The following PLPPR5 variants were observed in gnomAD, a reference collection of about 807,000 sequenced individuals.
PLPPR5 encodes phospholipid phosphatase-related protein type 5.
In PLPPR5, 16 loss-of-function variants were observed where a neutral mutation model predicts 33.9. That is an observed-to-expected ratio of 0.47 (90% CI 0.32 to 0.72). The LOEUF (loss-of-function observed/expected upper bound fraction) is 0.72. Ranked by LOEUF, PLPPR5 falls within the 30% of genes least tolerant of loss-of-function variation. The pLI is 0.03. For missense variants in PLPPR5, 301 were observed against 406.7 expected (o/e 0.74, Z 2.23); for synonymous variants, 163 against 150.3 (o/e 1.08, Z -0.62).
intron 1 of PLPPR5, among the ~76,000 whole-genome samples, chr1:98,968,566 A>T (rs1651534851): frequency 6.6e-6 from 1 of 152,096 alleles, no homozygotes; most frequent in Non-Finnish European, 1.5e-5. Flanking sequence ...ATGTTAAGTG[A>T]TATTTTCTAG....
intron 3 of PLPPR5, among the ~76,000 whole-genome samples, chr1:98,931,360 A>T (rs1414116226): frequency 6.6e-6 from 1 of 152,106 alleles, no homozygotes; most frequent in Non-Finnish European, 1.5e-5. Context: ...ACATGCACTC[A>T]ATCAGGTAAT....
chr1:98,992,462 C>A (rs1180820216), intron 1 of PLPPR5, among the ~76,000 whole-genome samples: 1 of 152,092 alleles, frequency 6.6e-6, no homozygotes, highest in Non-Finnish European at 1.5e-5. Context: ...AATAGATATT[C>A]TATATGTTAC....
intron 3 of PLPPR5, among the ~76,000 whole-genome samples, chr1:98,952,637 C>T (rs553289167): frequency 6.6e-6 from 1 of 152,260 alleles, no homozygotes; most frequent in Admixed American, 6.5e-5. Flanking sequence ...ATATAGTTGC[C>T]TGTAATAATA....
intron 1 of PLPPR5, among the ~76,000 whole-genome samples, chr1:98,969,701 C>A (rs1324286370): frequency 6.6e-6 from 1 of 151,690 alleles, no homozygotes; most frequent in Non-Finnish European, 1.5e-5. Context: ...TGTCTGGTAG[C>A]AAACAGTAAA....
chr1:98,895,008 G>A (rs1339639791), intron 5 of PLPPR5, among the ~76,000 whole-genome samples: 1 of 152,018 alleles, frequency 6.6e-6, no homozygotes, highest in Non-Finnish European at 1.5e-5. Context: ...GGAAAAGGGT[G>A]CTAATACAAC....
intron 3 of PLPPR5, among the ~76,000 whole-genome samples, chr1:98,924,322 G>A (rs552426941): frequency 6.6e-6 from 1 of 152,120 alleles, no homozygotes; most frequent in East Asian, 1.9e-4. Context: ...TGGCACTGTC[G>A]AGAAAAGACA....
At chr1:99,002,919 C>T (rs1296117577) in intron 1 of PLPPR5, among the ~76,000 whole-genome samples, 1 of 150,426 alleles carries the variant, frequency 6.6e-6, no homozygotes, top group Non-Finnish European at 1.5e-5. Flanking sequence ...TGGGAAACCC[C>T]GATCTCCAGA....
chr1:98,923,158 A>G (rs1326993583), intron 3 of PLPPR5, among the ~76,000 whole-genome samples: 4 of 152,210 alleles, frequency 2.6e-5, no homozygotes. Context: ...CACTACGCTC[A>G]AGAATAATTT....
intron 3 of PLPPR5, among the ~76,000 whole-genome samples, chr1:98,924,996 T>C (rs1342183826): frequency 6.6e-6 from 1 of 152,210 alleles, no homozygotes; most frequent in Non-Finnish European, 1.5e-5. Flanking sequence ...TTGGCATGGA[T>C]GTTACAAAAG....
chr1:98,993,992 T>A (rs181338441), intron 1 of PLPPR5, among the ~76,000 whole-genome samples: 1 of 152,112 alleles, frequency 6.6e-6, no homozygotes, highest in African/African-American at 2.4e-5. Context: ...CATTTGTACA[T>A]AACTGCTCTA....
At chr1:98,911,007 A>G (rs1173750883) in intron 5 of PLPPR5, among the ~76,000 whole-genome samples, 1 of 152,076 alleles carries the variant, frequency 6.6e-6, no homozygotes, top group Non-Finnish European at 1.5e-5. Context: ...ACAAAGAGAA[A>G]GCTATTGTAG....
intron 3 of PLPPR5, among the ~76,000 whole-genome samples, chr1:98,932,089 C>T (rs1649997404): frequency 6.6e-6 from 1 of 152,156 alleles, no homozygotes; most frequent in Non-Finnish European, 1.5e-5. Context: ...TCTCAGGCCT[C>T]AGTGGCCAAC....
At position 99,001,671 on chromosome 1, in the gene PLPPR5, G is replaced by GATATATATATATATATATAT. The variant is rs55722150; in HGVS notation, c.237+2744_237+2763dup. On this transcript the variant is annotated intron_variant, in intron 1 of 5. Transcript: ENST00000263177. ...ACTAGAAATGAGTTTGAAAGTTAAA[G>GATATATATATATATATATAT]ATATATATATATATATATATATATA... Among the ~76,000 whole-genome samples the GATATATATATATATATATAT allele has an allele frequency of 1.3e-4, 13 of 102,186 alleles. 2 individuals carry two copies. The highest frequency in any genetic ancestry group is 3.7e-4 in the East Asian group (1 of 2,692). The allele number at this position is 102,186 out of a possible 152,430, so 67.0% of individuals were successfully genotyped here. A position where few individuals can be genotyped will look rare whatever the true frequency, so the allele number is the denominator to read the frequency against.
intron 1 of PLPPR5, among the ~76,000 whole-genome samples, chr1:98,999,102 A>G (rs1031149853): frequency 3.3e-5 from 5 of 152,212 alleles, no homozygotes; most frequent in African/African-American, 1.2e-4. Flanking sequence ...GAGGGTCAGT[A>G]GACTAAACTA....
chr1:99,005,777 A>T (rs541165965), upstream of PLPPR5, among the ~76,000 whole-genome samples: 6 of 152,342 alleles, frequency 3.9e-5, no homozygotes, highest in East Asian at 1.2e-3. Flanking sequence ...GGCTCACAGC[A>T]CATGCATACA....
At chr1:98,979,271 C>A (rs1408672514) in intron 1 of PLPPR5, among the ~76,000 whole-genome samples, 1 of 152,002 alleles carries the variant, frequency 6.6e-6, no homozygotes, top group Non-Finnish European at 1.5e-5. Context: ...AAGTACTTAA[C>A]AAAGGTTTAA....
At chr1:99,001,689 T>TATATATAC (rs1553173340) in intron 1 of PLPPR5, among the ~76,000 whole-genome samples, 12 of 142,500 alleles carry the variant, frequency 8.4e-5, no homozygotes, top group African/African-American at 3.0e-4. Context: ...TATATATATA[T>TATATATAC]ATATATATAT....
chr1:98,892,349 C>T lies in PLPPR5; in HGVS notation c.*723G>A, dbSNP rs1269343514. 6.6e-6 allele frequency: 1 copy of T among 152,404 alleles called. No individual in the cohort carries two copies. Among genetic ancestry groups the T allele is most frequent in the Non-Finnish European group, 1.5e-5 (1 of 67,980 alleles). The allele number at this position is 152,404 out of a possible 1,614,324, so 9.4% of individuals were successfully genotyped here. A position where few individuals can be genotyped will look rare whatever the true frequency, so the allele number is the denominator to read the frequency against. On this transcript the variant is annotated 3_prime_UTR_variant, in exon 6 of 6. Coordinates refer to ENST00000263177, the MANE Select transcript of PLPPR5 (RefSeq NM_001037317.2). ...CAAAAACAAGTCATGAATTAAGCCA[C>T]AATTGTCAGGAGAAGAAGTCCAAAT...
intron 2 of PLPPR5, among the ~76,000 whole-genome samples, chr1:98,954,453 G>C (rs1650927663): frequency 6.6e-6 from 1 of 152,008 alleles, no homozygotes; most frequent in Admixed American, 6.6e-5. Flanking sequence ...TGTTTCCCAA[G>C]CCTTTTCATC....
Sources: gnomAD v4.1 joint callset for allele counts (sites outside exome capture counted in the v4.1 genomes callset) on GRCh38, gnomAD v4.1.1 for gene constraint, MANE v1.5 for transcripts, NCBI Gene and HGNC (gene_info 2026-07-23, HGNC 2026-07-21) for gene names.